Variants in SHANK2 observed in about 807,000 individuals in gnomAD.
SHANK2 encodes the protein SH3 and multiple ankyrin repeat domains 2.
In SHANK2, 43 loss-of-function variants were observed where a neutral mutation model predicts 133.7. The observed-to-expected ratio is 0.32, with a 90% CI of 0.25 to 0.41. The LOEUF (loss-of-function observed/expected upper bound fraction) is 0.41. SHANK2 is among the 10% of genes least tolerant of loss of function. The probability of loss-of-function intolerance (pLI) is 1.00; values close to 1 mark genes in which losing one functional copy is unlikely to be tolerated. For synonymous variants in SHANK2, 1,017 were observed against 952.8 expected (o/e 1.07, Z -1.24); for missense variants, 1,994 against 2,235.8 (o/e 0.89, Z 2.18).
chr11:70,948,400 G>C, intron 10 of SHANK2: 1 of 456,888 alleles, frequency 2.2e-6, no homozygotes, highest in Non-Finnish European at 4.4e-6. Flanking sequence ...CATATGTACT[G>C]GTGGAAATAA....
intron 2 of SHANK2, among the ~76,000 whole-genome samples, chr11:71,178,595 AT>A (rs1555113385): frequency 5.3e-5 from 8 of 152,230 alleles, no homozygotes. Flanking sequence ...TGCTATGCAC[AT>A]TTTACAACAA....
At position 70,485,845 on chromosome 11, in the gene SHANK2, A is replaced by G. The variant is rs1314343568; in HGVS notation, c.4448T>C (p.Phe1483Ser). 1 of 1,613,914 alleles carries G rather than the reference A, an allele frequency of 6.2e-7. No individual in the cohort carries two copies. Among genetic ancestry groups the G allele is most frequent in the Non-Finnish European group, 8.5e-7 (1 of 1,180,030 alleles). ...GATCCCAGAGTCGGCGACGGCGTCA[A>G]AGCTTTCAGGGGGTGGCAGGAATGA... ...PASFLPPPES[F>S]DAVADSGIEE... The change falls in exon 25 of 26, where the codon TTT becomes TCT. Residue 1483 changes from phenylalanine (F) to serine (S), a missense_variant. Physicochemically the swap from Phe to Ser is radical, Grantham distance 155 (BLOSUM62 -2). Around this residue, in one of 5 missense-constraint regions of SHANK2, gnomAD observed 797 missense variants for 907.4 expected, o/e 0.88. Transcript: ENST00000601538. This position sits in a 1 kb window ranked among gnomAD's most constrained non-coding sequence, Gnocchi z 5.8.
chr11:70,488,350 A>G (rs936390640), intron 24 of SHANK2, among the ~76,000 whole-genome samples: 1 of 152,174 alleles, frequency 6.6e-6, no homozygotes. Context: ...GCCCAGATGT[A>G]CAGGGAGGCC....
At chr11:70,717,060 C>T (rs148326149) in intron 14 of SHANK2, among the ~76,000 whole-genome samples, 13 of 152,318 alleles carry the variant, frequency 8.5e-5, no homozygotes, top group Non-Finnish European at 1.2e-4. Context: ...ACCGTTACCA[C>T]GCGGAAGGAG....
In SHANK2 at chr11:70,637,617, C is replaced by T. The variant is rs547035859; in HGVS notation, c.2061+22211G>A. ...GTGTGACCCGTGGGAGGCCGCTGCC[C>T]AGCGCTCAGGAAGGCCGGGGCACAA... On this transcript the variant is annotated intron_variant, in intron 17 of 25. Transcript: ENST00000601538. 5.3e-3 allele frequency among the ~76,000 whole-genome samples: 802 copies of T among 152,324 alleles called. 8 individuals are homozygous for T. Among genetic ancestry groups the T allele is most frequent in the African/African-American group, 0.018 (761 of 41,578 alleles).
At chr11:71,220,302 T>C (rs1555120841) in intron 2 of SHANK2, among the ~76,000 whole-genome samples, 1 of 152,068 alleles carries the variant, frequency 6.6e-6, no homozygotes, top group Admixed American at 6.6e-5. Flanking sequence ...ATGTGGGAAA[T>C]TGGAACCTTT....
chr11:70,896,050 A>C (rs1434764236), intron 11 of SHANK2, among the ~76,000 whole-genome samples: 1 of 152,124 alleles, frequency 6.6e-6, no homozygotes, highest in Non-Finnish European at 1.5e-5. Flanking sequence ...GGGCTTGTAC[A>C]TTCTACCAGT....
intron 10 of SHANK2, chr11:70,943,041 T>C: frequency 2.2e-6 from 1 of 456,596 alleles, no homozygotes; most frequent in Non-Finnish European, 4.4e-6. Context: ...GCAAGTACTG[T>C]GGGAATCAAA....
In SHANK2 at chr11:70,916,677, C is replaced by T. The variant is rs148471150; in HGVS notation, c.1108-20110G>A. Among the ~76,000 whole-genome samples the T allele has an allele frequency of 1.2e-4, 18 of 152,252 alleles. No homozygotes were observed. In the East Asian group the frequency reaches 3.1e-3, roughly 26 times the overall value. ...GCCCCCTCGCCCTCCCTTCGCCTGGCACAGCATTCAGCATCTTCCTGCTGT... is the reference window on the plus strand; with the variant it reads ...GCCCCCTCGCCCTCCCTTCGCCTGGTACAGCATTCAGCATCTTCCTGCTGT... On this transcript the variant is annotated intron_variant, in intron 10 of 25. Coordinates refer to ENST00000601538, the MANE Select transcript of SHANK2 (RefSeq NM_012309.5).
chr11:71,225,287 T>C (rs1216666613), intron 1 of SHANK2, among the ~76,000 whole-genome samples: 1 of 152,176 alleles, frequency 6.6e-6, no homozygotes, highest in African/African-American at 2.4e-5. Flanking sequence ...AAAGGCCGAG[T>C]AGGGAGTCTA....
chr11:71,073,147 C>CTTCTTTTTTTTTTTTTTTTTTTTT (rs1951166707), intron 9 of SHANK2, among the ~76,000 whole-genome samples: 1 of 62,716 alleles, frequency 1.6e-5, no homozygotes, highest in African/African-American at 4.2e-5. Context: ...TTTTTCTTTT[C>CTTCTTTTTTTTTTTTTTTTTTTTT]TTTTTTTTCT....
intron 17 of SHANK2, among the ~76,000 whole-genome samples, chr11:70,526,904 C>T (rs75025864): frequency 0.096 from 14,617 of 151,992 alleles, 1,053 homozygotes; most frequent in East Asian, 0.38. Flanking sequence ...CTCCCTGTAC[C>T]GGCCCCATCT....
chr11:71,137,506 C>T (rs1427119073), intron 3 of SHANK2, among the ~76,000 whole-genome samples: 3 of 151,926 alleles, frequency 2.0e-5, no homozygotes, highest in Non-Finnish European at 2.9e-5. Flanking sequence ...GAGATGTGAC[C>T]GTGGATGCTG....
chr11:70,874,675 A>T (rs1053063968), intron 11 of SHANK2, among the ~76,000 whole-genome samples: 2 of 12,768 alleles, frequency 1.6e-4, no homozygotes, highest in Non-Finnish European at 3.2e-4. Flanking sequence ...TGCATTTACT[A>T]AAAAAAAAAA....
intron 11 of SHANK2, among the ~76,000 whole-genome samples, chr11:70,891,211 G>A (rs1395258242): frequency 3.3e-5 from 5 of 152,044 alleles, no homozygotes; most frequent in East Asian, 1.9e-4. Context: ...AACCACCAAC[G>A]GAGTGGCTGA....
intron 1 of SHANK2, among the ~76,000 whole-genome samples, chr11:71,244,863 C>G (rs1396893587): frequency 6.6e-6 from 1 of 152,134 alleles, no homozygotes; most frequent in Non-Finnish European, 1.5e-5. Context: ...CCCACTGTGC[C>G]TGGCTAATTT....
chr11:70,648,656 C>T (rs959626985), intron 17 of SHANK2, among the ~76,000 whole-genome samples: 1 of 152,136 alleles, frequency 6.6e-6, no homozygotes, highest in Non-Finnish European at 1.5e-5. Context: ...AAGGCTGGCA[C>T]CTTCCAGGGA....
chr11:71,189,040 G>A (rs1953733983), intron 2 of SHANK2, among the ~76,000 whole-genome samples: 1 of 152,212 alleles, frequency 6.6e-6, no homozygotes. Flanking sequence ...CAGGGAAGAC[G>A]GAGCTCCCAG....
chr11:70,895,384 T>C (rs1418925676), intron 11 of SHANK2: 6 of 152,614 alleles, frequency 3.9e-5, no homozygotes, highest in African/African-American at 1.4e-4. Flanking sequence ...TGATGCCATC[T>C]TCGAAAGCTC....
Sources: gnomAD v4.1 joint callset for allele counts (sites outside exome capture counted in the v4.1 genomes callset) on GRCh38, gnomAD v4.1.1 for gene constraint, gnomAD v4.1.1 regional missense constraint, Gnocchi (gnomAD v3.1) non-coding constraint, MANE v1.5 for transcripts, NCBI Gene and HGNC (gene_info 2026-07-23, HGNC 2026-07-21) for gene names.